CCDC86: variants seen among roughly 807,000 people sequenced by gnomAD.
CCDC86 encodes coiled-coil domain-containing protein 86.
A neutral mutation model predicts 36.7 loss-of-function variants in CCDC86; 28 were observed. The ratio of observed to expected loss-of-function variants is 0.76; its 90% CI spans 0.57 to 1.05. The LOEUF (loss-of-function observed/expected upper bound fraction) is 1.05, where lower values mean the gene tolerates loss of function less well. Among genes scored for constraint, CCDC86 ranks in the 50% least tolerant of loss-of-function variants. CCDC86 has a pLI of 0.00. For missense variants in CCDC86, 453 were observed against 470.2 expected (o/e 0.96, Z 0.34); for synonymous variants, 199 against 203.4 (o/e 0.98, Z 0.18).
At position 60,850,501 on chromosome 11, in the gene CCDC86, G is replaced by A; in HGVS notation, c.*176G>A. 1 of 775,814 alleles carries A rather than the reference G, an allele frequency of 1.3e-6. No individual in the cohort carries two copies. The highest frequency in any genetic ancestry group is 2.0e-6 in the Non-Finnish European group (1 of 508,276). The allele number at this position is 775,814 out of a possible 1,614,324, so 48.1% of individuals were successfully genotyped here. On this transcript the variant is annotated 3_prime_UTR_variant, in exon 4 of 4. Transcript: ENST00000227520. ...GAAGGCTTCCAGGCAGGTCTGTGTG[G>A]GACAGAAGCCCAGAGGGGGCCTGGG...
Position 60,844,622 on chromosome 11 carries a change from T to A in CCDC86, c.758+1740T>A, listed in dbSNP as rs184644500. Among the ~76,000 whole-genome samples, 195 of 152,368 alleles carry A rather than the reference T, an allele frequency of 1.3e-3. 3 individuals carry two copies. Among genetic ancestry groups the A allele is most frequent in the Non-Finnish European group, 2.2e-4 (15 of 68,038 alleles). On this transcript the variant is annotated intron_variant, in intron 1 of 3. Transcript: ENST00000227520. ...TTATCCAACTAGGGTTAAGTCCCCA[T>A]GCTTTATGTTATCATTGTGTGCTGT... is the stretch of plus-strand genomic sequence containing the variant.
intron 1 of CCDC86, among the ~76,000 whole-genome samples, chr11:60,843,500 C>G (rs1855149528): frequency 6.6e-6 from 1 of 152,196 alleles, no homozygotes; most frequent in South Asian, 2.1e-4. Context: ...GAGCACAGAT[C>G]TGATTCCGAA....
At position 60,842,838 on chromosome 11, in the gene CCDC86, G is replaced by A. The variant is rs777129864; in HGVS notation, c.714G>A (p.Gly238=). ...AGGAGCTTCCTGTAATCCCGAAGGG[G>A]AAGCCCAAATCGGGGCGAGTGTGGA... is the stretch of plus-strand genomic sequence containing the variant. ...NKEELPVIPK[G]KPKSGRVWKD... Residue 238 remains glycine, a synonymous_variant, in exon 1 of 4, where the codon GGG becomes GGA. Coordinates refer to ENST00000227520, the MANE Select transcript of CCDC86 (RefSeq NM_024098.4). 5.6e-6 allele frequency: 9 copies of A among 1,594,682 alleles called. No homozygotes were observed. Among genetic ancestry groups the A allele is most frequent in the Non-Finnish European group, 7.7e-6 (9 of 1,168,986 alleles).
At position 60,842,153 on chromosome 11, in the gene CCDC86, G is replaced by T. The variant is rs775638540; in HGVS notation, c.29G>T (p.Arg10Leu). The T allele has an allele frequency of 6.2e-7, 1 of 1,600,108 alleles. No homozygotes were observed. Among genetic ancestry groups the T allele is most frequent in the Non-Finnish European group, 8.5e-7 (1 of 1,173,984 alleles). MDTPLRRSRRLGGLRPESPE... is the reference protein window; with the variant it reads MDTPLRRSRLLGGLRPESPE... ...GATACACCGTTAAGGCGCAGCCGAC[G>T]GCTGGGAGGCCTAAGGCCCGAATCC... The change falls in exon 1 of 4, where the codon CGG (arginine) becomes CTG (leucine). Residue 10 changes from arginine (R) to leucine (L), a missense_variant. Transcript: ENST00000227520.
chr11:60,843,626 G>T (rs1273192784), intron 1 of CCDC86, among the ~76,000 whole-genome samples: 1 of 152,212 alleles, frequency 6.6e-6, no homozygotes, highest in African/African-American at 2.4e-5. Context: ...CAAGGGCATA[G>T]TAAATGCCCA....
At position 60,850,025 on chromosome 11, in the gene CCDC86, C is replaced by G; in HGVS notation, c.963+11C>G. ...GAGGTCGTCCAAGTGGTGAGTGTCT[C>G]GTTTTCCCCCTCTGCCCTTCTGCCC... is the stretch of plus-strand genomic sequence containing the variant. On this transcript the variant is annotated intron_variant, in intron 3 of 3. Transcript: ENST00000227520. 6.2e-7 allele frequency: 1 copy of G among 1,613,920 alleles called. No homozygotes were observed. Among genetic ancestry groups the G allele is most frequent in the Non-Finnish European group, 8.5e-7 (1 of 1,179,892 alleles).
intron 2 of CCDC86, 128 bp downstream of exon 2, chr11:60,848,181 C>T: frequency 8.2e-7 from 1 of 1,221,362 alleles, no homozygotes; most frequent in South Asian, 1.5e-5. Flanking sequence ...GTTCTTGAAT[C>T]TGAAGGCCGG....
Position 60,842,858 on chromosome 11 carries a change from T to C in CCDC86, c.734T>C (p.Val245Ala), listed in dbSNP as rs1590570802. The change falls in exon 1 of 4, where the codon GTG (valine) becomes GCG (alanine). Residue 245 changes from valine (V) to alanine (A), a missense_variant. Transcript: ENST00000227520. ...AAGGGGAAGCCCAAATCGGGGCGAG[T>C]GTGGAAGGACCGCTCCAAGAAAAGG... ...IPKGKPKSGR[V>A]WKDRSKKRFS... 1 of 1,579,812 alleles carries C rather than the reference T, an allele frequency of 6.3e-7. No individual in the cohort carries two copies. The highest frequency in any genetic ancestry group is 2.2e-5 in the East Asian group (1 of 44,458).
chr11:60,842,678 C>T lies in CCDC86; in HGVS notation c.554C>T (p.Ala185Val). 6.2e-7 allele frequency: 1 copy of T among 1,613,884 alleles called. No individual in the cohort carries two copies. Among genetic ancestry groups the T allele is most frequent in the Non-Finnish European group, 8.5e-7 (1 of 1,179,976 alleles). ...CCACTACTGGAGCTGACACCCAGGG[C>T]ACCTGGCTCCCCCCGGGGTCAGCAT... The part of the protein sequence containing the change: ...SQPLLELTPR[A>V]PGSPRGQHEP... Residue 185 changes from alanine (A) to valine (V), a missense_variant, in exon 1 of 4, where the codon GCA becomes GTA. Physicochemically the swap from Ala to Val is moderately conservative, Grantham distance 64 (BLOSUM62 0). Transcript: ENST00000227520.
chr11:60,850,184 C>T, intron 3 of CCDC86, 22 bp from the exon 4 acceptor site: 1 of 1,607,106 alleles, frequency 6.2e-7, no homozygotes, highest in Admixed American at 1.7e-5. Context: ...GCACTAATGT[C>T]CTCCCCTCAT....
intron 1 of CCDC86, among the ~76,000 whole-genome samples, chr11:60,845,215 G>C (rs117861031): frequency 1.5e-4 from 23 of 152,306 alleles, no homozygotes; most frequent in Middle Eastern, 3.4e-3. Context: ...CTGGAATGAG[G>C]GGGAGAAGGG....
At chr11:60,848,779 G>A (rs2134802650) in intron 2 of CCDC86, among the ~76,000 whole-genome samples, 1 of 152,258 alleles carries the variant, frequency 6.6e-6, no homozygotes, top group South Asian at 2.1e-4. Context: ...CTCATCCATA[G>A]TCCGTGGTCC....
chr11:60,850,161 C>T (rs537336791), intron 3 of CCDC86, 45 bp from the exon 4 acceptor site: 45 of 1,611,640 alleles, frequency 2.8e-5, no homozygotes, highest in African/African-American at 9.3e-5. Context: ...GAATTTGGAC[C>T]GAGGCTGCAG....
At chr11:60,848,455 T>C (rs535313384) in intron 2 of CCDC86, among the ~76,000 whole-genome samples, 2 of 152,156 alleles carry the variant, frequency 1.3e-5, no homozygotes, top group East Asian at 3.9e-4. Flanking sequence ...ATGTCCCCGG[T>C]ATGGCTGCTG....
rs752709053 is a variant in CCDC86, at chr11:60,842,562, C to G, written c.438C>G (p.Thr146=). ...SELAQNKEEL[T]PGAPQHQLPP... is the part of the protein sequence containing the mutation. ...TGGCCCAGAATAAGGAGGAGCTGACCCCGGGGGCCCCCCAGCATCAGCTAC... is the reference window on the plus strand; with the variant it reads ...TGGCCCAGAATAAGGAGGAGCTGACGCCGGGGGCCCCCCAGCATCAGCTAC... Residue 146 remains threonine (T), a synonymous_variant, in exon 1 of 4, where the codon ACC becomes ACG. Transcript: ENST00000227520. The G allele has an allele frequency of 6.2e-7, 1 of 1,613,120 alleles. No individual in the cohort carries two copies. The highest frequency in any genetic ancestry group is 8.5e-7 in the Non-Finnish European group (1 of 1,179,760).
At chr11:60,848,867 T>G (rs1855219249) in intron 2 of CCDC86, among the ~76,000 whole-genome samples, 2 of 152,252 alleles carry the variant, frequency 1.3e-5, no homozygotes, top group South Asian at 4.1e-4. Flanking sequence ...CAGCTCAGCT[T>G]ACAGCTGACA....
chr11:60,847,147 G>T (rs533086089), intron 1 of CCDC86, among the ~76,000 whole-genome samples: 1 of 149,494 alleles, frequency 6.7e-6, no homozygotes, highest in Non-Finnish European at 1.5e-5. Context: ...GCAGTGGCGC[G>T]ATCTCGGCTC....
Position 60,842,677 on chromosome 11 carries a change from G to A in CCDC86, c.553G>A (p.Ala185Thr). 6.2e-7 allele frequency: 1 copy of A among 1,613,850 alleles called. No homozygotes were observed. Among genetic ancestry groups the A allele is most frequent in the Non-Finnish European group, 8.5e-7 (1 of 1,179,980 alleles). Residue 185 changes from alanine (A) to threonine (T), a missense_variant, in exon 1 of 4, where the codon GCA becomes ACA. Coordinates refer to ENST00000227520, the MANE Select transcript of CCDC86 (RefSeq NM_024098.4). ...GCCACTACTGGAGCTGACACCCAGG[G>A]CACCTGGCTCCCCCCGGGGTCAGCA... is the stretch of plus-strand genomic sequence containing the variant. ...SQPLLELTPR[A>T]PGSPRGQHEP...
Position 60,842,477 on chromosome 11 carries a change from C to T in CCDC86, c.353C>T (p.Pro118Leu). 6.2e-7 allele frequency: 1 copy of T among 1,613,756 alleles called. No individual in the cohort carries two copies. Among genetic ancestry groups the T allele is most frequent in the Non-Finnish European group, 8.5e-7 (1 of 1,179,858 alleles). Residue 118 changes from proline to leucine, a missense_variant, in exon 1 of 4, where the codon CCG becomes CTG. Coordinates refer to ENST00000227520, the MANE Select transcript of CCDC86 (RefSeq NM_024098.4). ...EYSPESPRCQ[P>L]KPSEEAPKCS... ...AGTCCTGAATCCCCACGATGTCAGC[C>T]GAAGCCAAGTGAGGAGGCACCAAAG...
Sources: gnomAD v4.1 joint callset for allele counts (sites outside exome capture counted in the v4.1 genomes callset) on GRCh38, gnomAD v4.1.1 for gene constraint, MANE v1.5 for transcripts, NCBI Gene and HGNC (gene_info 2026-07-23, HGNC 2026-07-21) for gene names.